The following STXBP5L variants were observed in gnomAD, a reference collection of about 807,000 sequenced individuals.
STXBP5L encodes syntaxin-binding protein 5-like.
In STXBP5L, 65 loss-of-function variants were observed where a neutral mutation model predicts 144.5. The ratio of observed to expected loss-of-function variants is 0.45; its 90% CI spans 0.37 to 0.55. The LOEUF is 0.55. Ranked by LOEUF, STXBP5L falls within the 20% of genes least tolerant of loss-of-function variation. The pLI is 0.00. For missense variants in STXBP5L, 1,298 were observed against 1,405.5 expected, an observed-to-expected ratio of 0.92 and a Z score of 1.22; for synonymous variants, 505 against 469.6, an observed-to-expected ratio of 1.08 and a Z score of -0.97.
intron 9 of STXBP5L, among the ~76,000 whole-genome samples, chr3:121,189,066 G>T (rs527673344): frequency 6.6e-6 from 1 of 152,304 alleles, no homozygotes; most frequent in East Asian, 1.9e-4. Context: ...AAACCCCATT[G>T]TCTTCACCCA....
chr3:121,102,075 A>G lies in STXBP5L; in HGVS notation c.471-12850A>G, dbSNP rs145664541. ...AAGAAATCATAGGTGACACAAAAAA[A>G]TGGAAAAATATTTCATGCTTATGGA... On this transcript the variant is annotated intron_variant, in intron 5 of 26. Coordinates refer to ENST00000471454, the MANE Select transcript of STXBP5L (RefSeq NM_001308330.2). Among the ~76,000 whole-genome samples the G allele has an allele frequency of 3.9e-5, 6 of 152,250 alleles. No individual in the cohort carries two copies. The East Asian group carries it at 1.2e-3, about 29-fold the overall frequency.
intron 9 of STXBP5L, among the ~76,000 whole-genome samples, chr3:121,183,102 T>A (rs1213141515): frequency 6.6e-6 from 1 of 152,110 alleles, no homozygotes; most frequent in Non-Finnish European, 1.5e-5. Flanking sequence ...ATCCCATTAA[T>A]ATGAAAACAC....
intron 3 of STXBP5L, among the ~76,000 whole-genome samples, chr3:121,033,568 C>G (rs1433448858): frequency 1.7e-5 from 1 of 59,598 alleles, no homozygotes; most frequent in Non-Finnish European, 3.9e-5. Context: ...ACTTAAAGTA[C>G]AATTAAAAAA....
intron 3 of STXBP5L, among the ~76,000 whole-genome samples, chr3:120,976,463 G>A (rs538835144): frequency 2.0e-5 from 3 of 151,892 alleles, no homozygotes; most frequent in Non-Finnish European, 4.4e-5. Context: ...TGCTAGCAGT[G>A]TATCAATTTT....
In STXBP5L at chr3:120,954,967, C is replaced by T; in HGVS notation, c.217C>T (p.Pro73Ser). 1 of 1,612,514 alleles carries T rather than the reference C, an allele frequency of 6.2e-7. No individual in the cohort carries two copies. The highest frequency in any genetic ancestry group is 8.5e-7 in the Non-Finnish European group (1 of 1,179,088). ...AGTTCGGCATGGTTTTCCTCATCAG[C>T]CCACAGCATTAGCCTTTGATCCAGT... ...KTVRHGFPHQPTALAFDPVQK... is the reference protein window; with the variant it reads ...KTVRHGFPHQSTALAFDPVQK... The change falls in exon 3 of 27, where the codon CCC becomes TCC. Residue 73 changes from proline (P) to serine (S), a missense_variant. By Grantham distance (74) the Pro-to-Ser change is moderately conservative. Coordinates refer to ENST00000471454, the MANE Select transcript of STXBP5L (RefSeq NM_001308330.2).
At chr3:121,181,729 C>A (rs953048394) in intron 9 of STXBP5L, among the ~76,000 whole-genome samples, 2 of 151,964 alleles carry the variant, frequency 1.3e-5, no homozygotes, top group East Asian at 3.9e-4. Context: ...TAGAATGAGA[C>A]CCTATCTCAA....
intron 9 of STXBP5L, among the ~76,000 whole-genome samples, chr3:121,194,909 CTTTTTTTTT>C (rs10717806): frequency 1.2e-4 from 8 of 68,482 alleles, no homozygotes; most frequent in Admixed American, 2.3e-4. Flanking sequence ...TCTTTTCACT[CTTTTTTTTT>C]TTTTTTTTTT....
At chr3:121,241,973 A>C (rs2049686210) in intron 14 of STXBP5L, among the ~76,000 whole-genome samples, 1 of 152,204 alleles carries the variant, frequency 6.6e-6, no homozygotes, top group Non-Finnish European at 1.5e-5. Flanking sequence ...GCCTGCCAAA[A>C]GGAAAAATGA....
rs202103284 is a variant in STXBP5L, at chr3:121,381,270, T to G, written c.2348-23T>G. On this transcript the variant is annotated intron_variant, in intron 21 of 26. Transcript: ENST00000471454. The stretch of plus-strand genomic sequence containing the variant: ...GGAAATATACTAACAATTTGTGTGG[T>G]TTTTTTTTATTTATTTCCATAGAAA... 125 of 89,180 alleles carry G rather than the reference T, an allele frequency of 1.4e-3. No individual in the cohort carries two copies. The East Asian group carries it at 0.016, about 11-fold the overall frequency. 5.5% of individuals were successfully genotyped at this position (89,180 alleles called of 1,614,324 possible). A position where few individuals can be genotyped will look rare whatever the true frequency, so the allele number is the denominator to read the frequency against.
At chr3:121,111,685 G>T (rs1249108629) in intron 5 of STXBP5L, among the ~76,000 whole-genome samples, 21 of 152,208 alleles carry the variant, frequency 1.4e-4, no homozygotes, top group Admixed American at 1.3e-3. Flanking sequence ...TTGTTGGGGG[G>T]TTTCACCCAG....
intron 19 of STXBP5L, among the ~76,000 whole-genome samples, chr3:121,315,786 G>A (rs1339697457): frequency 6.6e-6 from 1 of 152,012 alleles, no homozygotes; most frequent in East Asian, 1.9e-4. Flanking sequence ...CAGATCACTT[G>A]AGGTCAGGAG....
chr3:120,968,978 A>G (rs971536584), intron 3 of STXBP5L, among the ~76,000 whole-genome samples: 4 of 152,000 alleles, frequency 2.6e-5, no homozygotes, highest in Non-Finnish European at 5.9e-5. Context: ...TATCTTTGCA[A>G]TTGTGAATTG....
intron 3 of STXBP5L, among the ~76,000 whole-genome samples, chr3:120,967,553 ACAT>A (rs1330620120): frequency 2.0e-5 from 3 of 152,130 alleles, no homozygotes; most frequent in Non-Finnish European, 4.4e-5. Context: ...TTTTTTCAAA[ACAT>A]CATTTTTATT....
chr3:121,139,598 T>G (rs565470009), intron 7 of STXBP5L, among the ~76,000 whole-genome samples: 1 of 152,188 alleles, frequency 6.6e-6, no homozygotes, highest in East Asian at 1.9e-4. Flanking sequence ...ACCTGGAGGA[T>G]ATAAATTCTA....
intron 4 of STXBP5L, among the ~76,000 whole-genome samples, chr3:121,044,723 A>T (rs1947390938): frequency 6.6e-6 from 1 of 152,202 alleles, no homozygotes; most frequent in South Asian, 2.1e-4. Flanking sequence ...ACAAAGTCAT[A>T]CAAACAGTTA....
intron 2 of STXBP5L, among the ~76,000 whole-genome samples, chr3:120,921,725 C>T (rs549760178): frequency 6.6e-6 from 1 of 151,968 alleles, no homozygotes; most frequent in Admixed American, 6.5e-5. Flanking sequence ...GTTGAAGAAA[C>T]TCTCCCCACT....
intron 10 of STXBP5L, among the ~76,000 whole-genome samples, chr3:121,219,665 A>C (rs1463797413): frequency 2.0e-5 from 3 of 152,158 alleles, no homozygotes; most frequent in Non-Finnish European, 4.4e-5. Flanking sequence ...AAGCTAAAGA[A>C]AATTATTTTC....
intron 9 of STXBP5L, among the ~76,000 whole-genome samples, chr3:121,184,512 A>G (rs2047290706): frequency 6.6e-6 from 1 of 151,976 alleles, no homozygotes; most frequent in African/African-American, 2.4e-5. Context: ...ACAAGATTAG[A>G]GAAAGCAGAA....
chr3:121,077,149 C>T (rs969346265), intron 5 of STXBP5L, among the ~76,000 whole-genome samples: 2 of 152,192 alleles, frequency 1.3e-5, no homozygotes, highest in Admixed American at 6.5e-5. Flanking sequence ...AATTCACGAG[C>T]CCCACCTGCA....
Sources: allele counts gnomAD v4.1 joint callset (sites outside exome capture counted in the v4.1 genomes callset), GRCh38; gene constraint gnomAD v4.1.1; transcripts MANE v1.5; gene names NCBI Gene and HGNC (gene_info 2026-07-23, HGNC 2026-07-21).